RUVBL1: variants seen among roughly 807,000 people sequenced by gnomAD.
RUVBL1 encodes the protein RuvB like AAA ATPase 1.
In RUVBL1, 4 loss-of-function variants were observed where a neutral mutation model predicts 52.4. The observed-to-expected ratio is 0.08, with a 90% CI of 0.04 to 0.17. The LOEUF (loss-of-function observed/expected upper bound fraction) is 0.17. Ranked by LOEUF, RUVBL1 falls within the 10% of genes least tolerant of loss-of-function variation. The pLI, the probability that RUVBL1 is intolerant of heterozygous loss-of-function variation, is 1.00. For synonymous variants in RUVBL1, 217 were observed against 214.4 expected (o/e 1.01, Z -0.10); for missense variants, 298 against 572.8 (o/e 0.52, Z 4.90).
intron 1 of RUVBL1, chr3:128,153,191 G>GTC: frequency 7.8e-7 from 1 of 1,276,840 alleles, no homozygotes; most frequent in Non-Finnish European, 9.9e-7. Context: ...AGTTCTCCAA[G>GTC]TCTCCACTCA....
downstream of RUVBL1, chr3:128,075,920 G>C (rs569536492): frequency 1.2e-4 from 18 of 152,046 alleles, no homozygotes; most frequent in South Asian, 6.3e-4. Context: ...CCCAGCCGGG[G>C]CCCCCCCCTT....
intron 1 of RUVBL1, among the ~76,000 whole-genome samples, chr3:128,135,841 G>A (rs2811471): frequency 0.86 from 131,054 of 152,268 alleles, 56,587 homozygotes; most frequent in African/African-American, 0.92. Context: ...TAAACTATTC[G>A]TATCTTAAGA....
intron 3 of RUVBL1, among the ~76,000 whole-genome samples, chr3:128,110,148 T>G (rs1217374504): frequency 6.6e-6 from 1 of 152,072 alleles, no homozygotes; most frequent in African/African-American, 2.4e-5. Context: ...TAGCTGGGTG[T>G]GGTGATGCAC....
intron 4 of RUVBL1, 59 bp from the exon 5 acceptor site, chr3:128,101,707 T>C (rs937368956): frequency 5.8e-6 from 9 of 1,552,032 alleles, no homozygotes; most frequent in African/African-American, 1.4e-5. Context: ...TCTGACACCA[T>C]GTAAGGTACC....
intron 4 of RUVBL1, among the ~76,000 whole-genome samples, chr3:128,103,636 CACAGCAAGCTGGTGGG>C (rs1244929613): frequency 6.6e-6 from 1 of 152,192 alleles, no homozygotes; most frequent in Non-Finnish European, 1.5e-5. Context: ...CCAAAGGTCA[CACAGCAAGCTGGTGGG>C]CAGACAGTAC....
chr3:128,083,469 AG>A (rs1490426753), intron 9 of RUVBL1: 1 of 152,254 alleles, frequency 6.6e-6, no homozygotes, highest in Non-Finnish European at 1.5e-5. Context: ...AGGTTTACTG[AG>A]GTGGCCACAT....
Position 128,129,634 on chromosome 3 carries a change from G to A in RUVBL1, c.-39-10220C>T, listed in dbSNP as rs550348434. 2.0e-5 allele frequency among the ~76,000 whole-genome samples: 3 copies of A among 152,230 alleles called. No individual in the cohort carries two copies. The South Asian group carries it at 6.2e-4, about 32-fold the overall frequency. ...GGCAGAAGCAATATAAGCATCCATT[G>A]ACAGATAATGGATTTTTAAAAGATG... is the stretch of plus-strand genomic sequence containing the variant. On this transcript the variant is annotated intron_variant, in intron 1 of 9. Transcript: ENST00000464873.
chr3:128,067,290 T>C lies in RUVBL1; in HGVS notation c.940-2070A>G. 7.7e-7 allele frequency: 1 copy of C among 1,293,592 alleles called. No individual in the cohort carries two copies. The highest frequency in any genetic ancestry group is 1.1e-6 in the Non-Finnish European group (1 of 925,924). 80.1% of individuals were successfully genotyped at this position (1,293,592 alleles called of 1,614,324 possible). A position where few individuals can be genotyped will look rare whatever the true frequency, so the allele number is the denominator to read the frequency against. ...TACAAATTCAGCACATTAAATTATC[T>C]TTTCAGTAAAAAAATTGTACTGTGG... On this transcript the variant is annotated intron_variant, in intron 9 of 9. Coordinates refer to the RUVBL1 transcript ENST00000464873. The surrounding 1 kb of genome is among the most constrained non-coding windows in gnomAD (Gnocchi z 4.1).
rs112255429 is a variant in RUVBL1, at chr3:128,067,979, G to A, written c.940-2759C>T. 0.017 allele frequency: 27,448 copies of A among 1,613,264 alleles called. 302 individuals are homozygous for A. Among genetic ancestry groups the A allele is most frequent in the Non-Finnish European group, 0.018 (20,698 of 1,179,350 alleles). ...CCAACTTCTCCCCTGTGGGCACCCT[G>A]CAGGTTGCAAAGCAGCTGAAGGAGC... On this transcript the variant is annotated intron_variant, in intron 9 of 9. Coordinates refer to the RUVBL1 transcript ENST00000464873. The surrounding 1 kb of genome is among the most constrained non-coding windows in gnomAD (Gnocchi z 4.1).
In RUVBL1 at chr3:128,087,703, C is replaced by T; in HGVS notation, c.1119+3G>A. On this transcript the variant is annotated splice_donor_region_variant and intron_variant, in intron 9 of 10. Transcript: ENST00000322623. ...AGAGCAGGAGGGAAGAAGGGAGGCT[C>T]ACCTGTTTCATTTCCTGTGGAGTAT... 1.2e-6 allele frequency: 2 copies of T among 1,609,946 alleles called. No individual in the cohort carries two copies. Among genetic ancestry groups the T allele is most frequent in the Non-Finnish European group, 1.7e-6 (2 of 1,176,704 alleles).
chr3:128,066,644 G>T, intron 9 of RUVBL1: 1 of 376,492 alleles, frequency 2.7e-6, no homozygotes, highest in Non-Finnish European at 4.8e-6. Context: ...GGCTGGTATC[G>T]AACTTCTGGG....
At chr3:128,119,783 C>A (rs534789244) in intron 1 of RUVBL1, among the ~76,000 whole-genome samples, 1 of 152,106 alleles carries the variant, frequency 6.6e-6, no homozygotes, top group Non-Finnish European at 1.5e-5. Context: ...GCGTTCCAGG[C>A]AAAGAAAACA....
At chr3:128,109,551 T>A (rs140348477) in intron 3 of RUVBL1, among the ~76,000 whole-genome samples, 63 of 152,190 alleles carry the variant, frequency 4.1e-4, no homozygotes, top group African/African-American at 1.3e-3. Flanking sequence ...TGTGTTGAAG[T>A]GCAGTGGTGT....
intron 1 of RUVBL1, among the ~76,000 whole-genome samples, chr3:128,134,672 A>G (rs1238317437): frequency 6.6e-6 from 1 of 151,758 alleles, no homozygotes; most frequent in African/African-American, 2.4e-5. Flanking sequence ...GTGGTGGCAC[A>G]TGTCTGTAGT....
At chr3:128,097,937 T>A (rs947718187) in intron 7 of RUVBL1, among the ~76,000 whole-genome samples, 1 of 152,214 alleles carries the variant, frequency 6.6e-6, no homozygotes, top group East Asian at 1.9e-4. Flanking sequence ...ACTCAGTAAA[T>A]GACCCTTTCT....
intron 1 of RUVBL1, among the ~76,000 whole-genome samples, chr3:128,130,775 C>T (rs548518066): frequency 6.6e-6 from 1 of 151,716 alleles, no homozygotes; most frequent in Non-Finnish European, 1.5e-5. Flanking sequence ...CTCAGCCTCC[C>T]GAGTAGCTGG....
chr3:128,153,388 G>C, exon 1 of RUVBL1: 2 of 1,391,578 alleles, frequency 1.4e-6, no homozygotes, highest in African/African-American at 3.1e-5. Flanking sequence ...AAGCTTCCGG[G>C]CCGGAACGGG....
At chr3:128,126,201 TTGTGTGTGTGTGTGTGTGTG>T (rs10576695), upstream of RUVBL1, among the ~76,000 whole-genome samples, 1 of 147,518 alleles carries the variant, frequency 6.8e-6, no homozygotes, top group African/African-American at 2.5e-5. Context: ...AGTTGTTCCT[TTGTGTGTGTGTGTGTGTGTG>T]TGTGTGTGTG....
chr3:128,075,678 C>T (rs1435083790), intron 9 of RUVBL1: 1 of 142,200 alleles, frequency 7.0e-6, no homozygotes, highest in African/African-American at 2.6e-5. Context: ...GCCACGCCCC[C>T]ATGGGGGGAG....
Sources: allele counts gnomAD v4.1 joint callset (sites outside exome capture counted in the v4.1 genomes callset), GRCh38; gene constraint gnomAD v4.1.1; non-coding constraint Gnocchi (gnomAD v3.1); transcripts MANE v1.5; gene names NCBI Gene and HGNC (gene_info 2026-07-23, HGNC 2026-07-21).